Variants in ROBO2 observed in about 807,000 individuals in gnomAD.
The protein encoded by ROBO2 is roundabout homolog 2.
Under a neutral mutation model 160.8 loss-of-function variants are expected in ROBO2, and 53 were observed. That is an observed-to-expected ratio of 0.33 (90% CI 0.26 to 0.41). ROBO2 has a LOEUF of 0.41. ROBO2 is among the 10% of genes least tolerant of loss of function. ROBO2 has a pLI of 1.00. For synonymous variants in ROBO2, 664 were observed against 611.7 expected, an observed-to-expected ratio of 1.09 and a Z score of -1.26; for missense variants, 1,577 against 1,722.4, an observed-to-expected ratio of 0.92 and a Z score of 1.49.
At chr3:76,197,586 A>T (rs1055802421) in intron 2 of ROBO2, among the ~76,000 whole-genome samples, 1 of 152,336 alleles carries the variant, frequency 6.6e-6, no homozygotes, top group East Asian at 1.9e-4. Context: ...TATACTTTAA[A>T]CATAAAATAA....
chr3:77,625,665 T>C (rs2095003016), intron 23 of ROBO2, among the ~76,000 whole-genome samples: 1 of 152,120 alleles, frequency 6.6e-6, no homozygotes, highest in Admixed American at 6.5e-5. Flanking sequence ...CGTGAGCCAC[T>C]GCGGCCGGCC....
intron 2 of ROBO2, among the ~76,000 whole-genome samples, chr3:76,511,585 G>A (rs576152625): frequency 2.6e-5 from 4 of 152,220 alleles, no homozygotes; most frequent in Admixed American, 6.5e-5. Context: ...ACTAGCCTCC[G>A]TGAACAGAGG....
At chr3:77,029,985 G>T (rs2063212447) in intron 2 of ROBO2, among the ~76,000 whole-genome samples, 1 of 148,382 alleles carries the variant, frequency 6.7e-6, no homozygotes, top group Non-Finnish European at 1.5e-5. Context: ...TCGCTCTGTC[G>T]CCCAGGCTGG....
At chr3:76,624,754 C>T (rs1368957569) in intron 2 of ROBO2, among the ~76,000 whole-genome samples, 13 of 115,068 alleles carry the variant, frequency 1.1e-4, no homozygotes, top group Non-Finnish European at 1.5e-4. Context: ...ACTGAGATCG[C>T]GCTATTCTTT....
chr3:76,625,254 C>T (rs1421622334), intron 2 of ROBO2, among the ~76,000 whole-genome samples: 1 of 64,272 alleles, frequency 1.6e-5, no homozygotes, highest in Non-Finnish European at 3.9e-5. Flanking sequence ...GTGGAAACCA[C>T]GGCTTTTTTT....
intron 2 of ROBO2, among the ~76,000 whole-genome samples, chr3:76,224,431 C>T (rs2107434181): frequency 6.6e-6 from 1 of 152,256 alleles, no homozygotes; most frequent in Admixed American, 6.5e-5. Flanking sequence ...TGTCCCAGCT[C>T]AAGAAGATGG....
At chr3:76,602,612 A>G (rs1231918816) in intron 2 of ROBO2, among the ~76,000 whole-genome samples, 1 of 152,192 alleles carries the variant, frequency 6.6e-6, no homozygotes, top group African/African-American at 2.4e-5. Context: ...TCACTTTCAT[A>G]AGAACAGCAC....
chr3:76,723,278 G>T (rs1177713924), intron 2 of ROBO2, among the ~76,000 whole-genome samples: 1 of 152,006 alleles, frequency 6.6e-6, no homozygotes, highest in Non-Finnish European at 1.5e-5. Flanking sequence ...TAAATGCCAA[G>T]TTCATATATA....
intron 2 of ROBO2, among the ~76,000 whole-genome samples, chr3:76,472,124 T>C (rs2078698866): frequency 6.6e-6 from 1 of 151,712 alleles, no homozygotes; most frequent in Non-Finnish European, 1.5e-5. Flanking sequence ...CGCATGTGTA[T>C]CACTTCTTCC....
intron 2 of ROBO2, among the ~76,000 whole-genome samples, chr3:76,464,224 T>A (rs2078246236): frequency 1.3e-5 from 2 of 152,162 alleles, no homozygotes; most frequent in Non-Finnish European, 1.5e-5. Flanking sequence ...TTCTTTCATA[T>A]CTACAGGTTA....
intron 2 of ROBO2, among the ~76,000 whole-genome samples, chr3:76,415,398 T>C (rs754973251): frequency 6.6e-6 from 1 of 152,218 alleles, no homozygotes; most frequent in Non-Finnish European, 1.5e-5. Context: ...CATATGTATG[T>C]GTTAATGGGA....
chr3:76,377,012 C>T (rs749281983), intron 2 of ROBO2, among the ~76,000 whole-genome samples: 8 of 152,104 alleles, frequency 5.3e-5, no homozygotes, highest in Non-Finnish European at 1.0e-4. Context: ...GCAATTTTGA[C>T]TCTGTTATTC....
chr3:76,464,868 C>A (rs549377663), intron 2 of ROBO2, among the ~76,000 whole-genome samples: 1 of 152,172 alleles, frequency 6.6e-6, no homozygotes, highest in Non-Finnish European at 1.5e-5. Flanking sequence ...TCTTATGACT[C>A]TCCTAGATAA....
chr3:77,116,803 C>T (rs775750554), intron 2 of ROBO2, among the ~76,000 whole-genome samples: 2 of 152,060 alleles, frequency 1.3e-5, no homozygotes, highest in Non-Finnish European at 2.9e-5. Context: ...GTAAGTTGAC[C>T]AGTCAGTGAT....
chr3:77,047,693 T>G (rs995586630), intron 1 of ROBO2, among the ~76,000 whole-genome samples: 1 of 147,918 alleles, frequency 6.8e-6, no homozygotes, highest in East Asian at 2.0e-4. Flanking sequence ...CTCAAAAAAA[T>G]ATATATAATG....
intron 2 of ROBO2, among the ~76,000 whole-genome samples, chr3:76,332,004 C>A (rs1310087015): frequency 6.6e-6 from 1 of 152,040 alleles, no homozygotes; most frequent in Non-Finnish European, 1.5e-5. Flanking sequence ...ATTATTTAAA[C>A]TAATAGAAGA....
intron 2 of ROBO2, chr3:76,434,792 G>T (rs1559939324): frequency 7.5e-7 from 1 of 1,329,800 alleles, no homozygotes; most frequent in Non-Finnish European, 1.1e-6. Flanking sequence ...TTAATCAGGG[G>T]GAGAGCATCA....
chr3:77,050,320 T>C (rs2065087639), intron 1 of ROBO2, among the ~76,000 whole-genome samples: 1 of 151,628 alleles, frequency 6.6e-6, no homozygotes, highest in African/African-American at 2.4e-5. Context: ...ATCTTAAGTA[T>C]ATAACCGTTT....
At chr3:76,038,427 A>T (rs2067182127) in intron 2 of ROBO2, among the ~76,000 whole-genome samples, 1 of 151,966 alleles carries the variant, frequency 6.6e-6, no homozygotes, top group Admixed American at 6.5e-5. Flanking sequence ...ACATCTTAGA[A>T]TGAGATTACA....
Sources: gnomAD v4.1 joint callset for allele counts (sites outside exome capture counted in the v4.1 genomes callset) on GRCh38, gnomAD v4.1.1 for gene constraint, MANE v1.5 for transcripts, NCBI Gene and HGNC (gene_info 2026-07-23, HGNC 2026-07-21) for gene names.